CPNE8: variants seen among roughly 807,000 people sequenced by gnomAD.
CPNE8 encodes the protein copine-8.
Under a neutral mutation model 81.5 loss-of-function variants are expected in CPNE8, and 45 were observed. The ratio of observed to expected loss-of-function variants is 0.55; its 90% CI spans 0.44 to 0.71. CPNE8 has a LOEUF of 0.71. CPNE8 is among the 30% of genes least tolerant of loss of function. The probability of loss-of-function intolerance (pLI) is 0.00; values close to 1 mark genes in which losing one functional copy is unlikely to be tolerated. For synonymous variants in CPNE8, 252 were observed against 226.3 expected (o/e 1.11, Z -1.02); for missense variants, 594 against 672.1 (o/e 0.88, Z 1.28).
chr12:38,754,937 AGAGT>A (rs143226171), intron 10 of CPNE8, among the ~76,000 whole-genome samples: 1,623 of 152,320 alleles, frequency 0.011, 32 homozygotes, highest in African/African-American at 0.036. Context: ...AAGATTCCAC[AGAGT>A]AAGTGAGGAA....
At chr12:38,710,274 A>AAAAAC (rs969276314) in intron 13 of CPNE8, among the ~76,000 whole-genome samples, 1 of 148,092 alleles carries the variant, frequency 6.8e-6, no homozygotes, top group Non-Finnish European at 1.5e-5. Flanking sequence ...CTAACAAAAA[A>AAAAAC]AAAAAAAAAA....
intron 6 of CPNE8, among the ~76,000 whole-genome samples, chr12:38,796,366 T>A (rs925523567): frequency 6.6e-6 from 1 of 151,792 alleles, no homozygotes; most frequent in Non-Finnish European, 1.5e-5. Flanking sequence ...ATAATGCAAA[T>A]TTAGGGCAAT....
chr12:38,780,506 C>T (rs1942027284), intron 6 of CPNE8, among the ~76,000 whole-genome samples: 1 of 151,892 alleles, frequency 6.6e-6, no homozygotes, highest in African/African-American at 2.4e-5. Flanking sequence ...CAGTGAATCC[C>T]AAGCAGCATA....
intron 1 of CPNE8, among the ~76,000 whole-genome samples, chr12:38,876,360 T>C (rs1340950386): frequency 1.3e-5 from 2 of 152,138 alleles, no homozygotes; most frequent in African/African-American, 4.8e-5. Context: ...ATTACAGGCA[T>C]GTGCCATCAC....
intron 10 of CPNE8, among the ~76,000 whole-genome samples, chr12:38,742,839 C>T (rs1002374782): frequency 4.0e-5 from 6 of 151,718 alleles, no homozygotes; most frequent in Admixed American, 6.6e-5. Context: ...GTGTCTCTGT[C>T]CTAGAGTTGT....
At chr12:38,728,740 G>A (rs573984725) in intron 11 of CPNE8, among the ~76,000 whole-genome samples, 1 of 152,130 alleles carries the variant, frequency 6.6e-6, no homozygotes, top group Admixed American at 6.6e-5. Flanking sequence ...TTGGTTGCTT[G>A]ATAAACCTGA....
Position 38,844,339 on chromosome 12 carries a change from T to G in CPNE8, c.290+4220A>C, listed in dbSNP as rs1291987076. Among the ~76,000 whole-genome samples, 11 of 152,300 alleles carry G rather than the reference T, an allele frequency of 7.2e-5. 1 individual carries two copies. The highest frequency in any genetic ancestry group is 5.9e-4 in the Admixed American group (9 of 15,296). On this transcript the variant is annotated intron_variant, in intron 4 of 19. Transcript: ENST00000331366. Reference sequence around the variant, plus strand: ...CCACACTTCCTGCTCAAACGCATTTTGGTACAGCTACTCTACCAATAATAA... The same window carrying G: ...CCACACTTCCTGCTCAAACGCATTTGGGTACAGCTACTCTACCAATAATAA...
chr12:38,695,937 T>A (rs1565571347), intron 14 of CPNE8, among the ~76,000 whole-genome samples: 1 of 152,008 alleles, frequency 6.6e-6, no homozygotes, highest in Non-Finnish European at 1.5e-5. Flanking sequence ...CAAGACCCTG[T>A]CTCAAAAACA....
intron 7 of CPNE8, among the ~76,000 whole-genome samples, chr12:38,769,415 T>C (rs530280021): frequency 4.6e-5 from 7 of 152,316 alleles, no homozygotes; most frequent in African/African-American, 1.4e-4. Context: ...AGTTCTATAC[T>C]ATCTATTATA....
intron 1 of CPNE8, among the ~76,000 whole-genome samples, chr12:38,904,507 C>G (rs945507785): frequency 7.1e-6 from 1 of 141,126 alleles, no homozygotes; most frequent in Admixed American, 7.5e-5. Context: ...CTTGCGCTGT[C>G]GCCCAGGCTG....
intron 6 of CPNE8, among the ~76,000 whole-genome samples, chr12:38,785,816 T>C (rs1818058568): frequency 6.6e-6 from 1 of 152,182 alleles, no homozygotes; most frequent in South Asian, 2.1e-4. Flanking sequence ...TCCTTGTTTA[T>C]GCAAACAGTG....
intron 10 of CPNE8, among the ~76,000 whole-genome samples, chr12:38,731,375 C>A (rs1006464556): frequency 6.6e-6 from 1 of 151,830 alleles, no homozygotes; most frequent in Admixed American, 6.6e-5. Context: ...CAATCAGTAA[C>A]AAGCAACATA....
At chr12:38,809,621 G>C (rs1161329453) in intron 6 of CPNE8, among the ~76,000 whole-genome samples, 1 of 152,092 alleles carries the variant, frequency 6.6e-6, no homozygotes, top group Non-Finnish European at 1.5e-5. Flanking sequence ...TGGCCTTCAT[G>C]ATCCATGGTC....
intron 13 of CPNE8, among the ~76,000 whole-genome samples, chr12:38,722,172 T>C (rs1940582053): frequency 6.6e-6 from 1 of 152,232 alleles, no homozygotes; most frequent in Non-Finnish European, 1.5e-5. Flanking sequence ...AAGGAGTTTT[T>C]ACAGGAATAA....
intron 3 of CPNE8, among the ~76,000 whole-genome samples, chr12:38,859,073 G>A (rs1162017295): frequency 1.3e-5 from 2 of 151,502 alleles, no homozygotes; most frequent in South Asian, 2.1e-4. Flanking sequence ...ACTTCTAATC[G>A]ACATAGTATG....
intron 6 of CPNE8, among the ~76,000 whole-genome samples, chr12:38,777,074 C>G (rs956846426): frequency 3.3e-4 from 49 of 150,390 alleles, no homozygotes; most frequent in African/African-American, 1.1e-3. Flanking sequence ...TCATTTAGGT[C>G]CTGCAGATGT....
intron 1 of CPNE8, 124 bp from the exon 2 acceptor site, chr12:38,874,635 A>T: frequency 1.8e-6 from 1 of 540,738 alleles, no homozygotes. Context: ...ATACACACAC[A>T]TATACATATA....
intron 6 of CPNE8, among the ~76,000 whole-genome samples, chr12:38,824,282 A>G (rs1178403490): frequency 1.3e-5 from 2 of 152,198 alleles, no homozygotes; most frequent in African/African-American, 4.8e-5. Flanking sequence ...AAAGTAAAAA[A>G]GCCCGAGGTT....
chr12:38,671,708 G>C (rs1939181093), intron 18 of CPNE8, among the ~76,000 whole-genome samples: 1 of 151,976 alleles, frequency 6.6e-6, no homozygotes, highest in Non-Finnish European at 1.5e-5. Context: ...CCCCAATACT[G>C]CTCAGTCAGC....
Sources: allele counts gnomAD v4.1 joint callset (sites outside exome capture counted in the v4.1 genomes callset), GRCh38; gene constraint gnomAD v4.1.1; transcripts MANE v1.5; gene names NCBI Gene and HGNC (gene_info 2026-07-23, HGNC 2026-07-21).